Variants in CLCN5 observed in about 807,000 individuals in gnomAD.
The protein encoded by CLCN5 is H(+)/Cl(-) exchange transporter 5.
A neutral mutation model predicts 54.0 loss-of-function variants in CLCN5; 17 were observed. That is an observed-to-expected ratio of 0.31 (90% CI 0.22 to 0.47). The LOEUF (loss-of-function observed/expected upper bound fraction) is 0.47. Ranked by LOEUF, CLCN5 falls within the 20% of genes least tolerant of loss-of-function variation. CLCN5 has a pLI of 1.00. For synonymous variants in CLCN5, 222 were observed against 233.0 expected (o/e 0.95, Z 0.43); for missense variants, 448 against 646.7 (o/e 0.69, Z 3.33).
At chrX:50,060,816 G>T (rs1343080740) in intron 4 of CLCN5, among the ~76,000 whole-genome samples, 2 of 101,071 alleles carry the variant, frequency 2.0e-5, no homozygotes, top group East Asian at 3.0e-4. Context: ...ATCTGAGAAC[G>T]GGCAGACTGC....
intron 3 of CLCN5, among the ~76,000 whole-genome samples, chrX:49,949,270 C>G (rs1926907456): frequency 8.9e-6 from 1 of 111,878 alleles, no homozygotes; most frequent in South Asian, 3.8e-4. Context: ...TGATAAACAT[C>G]CTACAATGCA....
chrX:50,090,445 G>A lies in CLCN5; in HGVS notation c.2074G>A (p.Val692Met), dbSNP rs782068103. Reference sequence around the variant, plus strand: ...TGAAACCACTTACAGTGGCTTCCCAGTGGTGGTATCCCGGGAGTCCCAAAG... The same window carrying A: ...TGAAACCACTTACAGTGGCTTCCCAATGGTGGTATCCCGGGAGTCCCAAAG... ...ISETTYSGFP[V>M]VVSRESQRLV... Residue 692 changes from valine (V) to methionine (M), a missense_variant, in exon 13 of 15, where the codon GTG becomes ATG. Val to Met is a conservative substitution (Grantham distance 21). Around this residue, in one of 5 missense-constraint regions of CLCN5, gnomAD observed 297 missense variants for 470.4 expected, o/e 0.63. Transcript: ENST00000376091. 1 of 1,210,535 alleles carries A rather than the reference G, an allele frequency of 8.3e-7. No homozygotes were observed. The highest frequency in any genetic ancestry group is 1.1e-6 in the Non-Finnish European group (1 of 894,716).
chrX:49,992,786 A>T (rs1272321490), intron 3 of CLCN5, among the ~76,000 whole-genome samples: 1 of 111,649 alleles, frequency 9.0e-6, no homozygotes, highest in African/African-American at 3.3e-5. Context: ...TAATTAAGGG[A>T]TATACTGCCA....
intron 8 of CLCN5, 137 bp downstream of exon 8, chrX:50,080,853 AG>A (rs1933664983): frequency 3.7e-6 from 2 of 541,108 alleles, no homozygotes; most frequent in African/African-American, 4.6e-5. Context: ...TCTAAGACCT[AG>A]GTCTTTCCAC....
chrX:50,051,020 T>C (rs112509445), intron 4 of CLCN5, among the ~76,000 whole-genome samples: 1 of 111,694 alleles, frequency 9.0e-6, no homozygotes, highest in Non-Finnish European at 1.9e-5. Flanking sequence ...TTTTTAATTT[T>C]AGTGAAGTCT....
intron 10 of CLCN5, 41 bp downstream of exon 10, chrX:50,086,101 T>G (rs1557193847): frequency 2.8e-6 from 3 of 1,067,219 alleles, no homozygotes; most frequent in Non-Finnish European, 3.9e-6. Flanking sequence ...TGCTTTTGTG[T>G]CAGGAATTTT....
Position 49,982,366 on chromosome X carries a change from G to A in CLCN5, c.16+57052G>A, listed in dbSNP as rs782208522. On this transcript the variant is annotated intron_variant, in intron 3 of 14. Transcript: ENST00000376091. ...AAAAAATTCAATTAAGGTTGCTGAG[G>A]GGGAAAAAAGCAACTGTTACAAAGT... Among the ~76,000 whole-genome samples the A allele has an allele frequency of 3.6e-4, 40 of 110,458 alleles. No individual in the cohort carries two copies. The South Asian group carries it at 0.016, about 43-fold the overall frequency.
intron 3 of CLCN5, among the ~76,000 whole-genome samples, chrX:49,959,612 C>T (rs1352975575): frequency 8.9e-6 from 1 of 112,486 alleles, no homozygotes; most frequent in African/African-American, 3.2e-5. Context: ...AAGCTAGCTT[C>T]TGGTGCCAGA....
rs1456864223 is a variant in CLCN5 at position 50,069,102 on chromosome X, C to T, written c.164-777C>T. On this transcript the variant is annotated intron_variant, in intron 4 of 14. Transcript: ENST00000376091. ...GAGAAGGGAACGATGAATCAGACAT[C>T]AGGCTACCAGCAAAGAGCTTGTAGT... Among the ~76,000 whole-genome samples the T allele has an allele frequency of 4.3e-4, 48 of 111,899 alleles. No homozygotes were observed. The Admixed American group carries it at 4.6e-3, about 11-fold the overall frequency.
At chrX:50,049,544 A>G (rs1557188115) in intron 4 of CLCN5, among the ~76,000 whole-genome samples, 1 of 112,251 alleles carries the variant, frequency 8.9e-6, no homozygotes, top group African/African-American at 3.2e-5. Context: ...GTGCAGCATC[A>G]TTCCTTTTGC....
At chrX:50,045,876 G>A (rs1209313071) in intron 4 of CLCN5, among the ~76,000 whole-genome samples, 2 of 111,929 alleles carry the variant, frequency 1.8e-5, no homozygotes, top group Non-Finnish European at 3.8e-5. Flanking sequence ...TAAAGACAAC[G>A]ACAACAAAAA....
At chrX:49,925,060 C>A in intron 2 of CLCN5, 111 bp from the exon 3 acceptor site, 1 of 432,065 alleles carries the variant, frequency 2.3e-6, no homozygotes. Flanking sequence ...TGACACTACC[C>A]ATGCCTGCAT....
intron 3 of CLCN5, among the ~76,000 whole-genome samples, chrX:49,961,644 T>G (rs1927601595): frequency 8.9e-6 from 1 of 112,152 alleles, no homozygotes; most frequent in Non-Finnish European, 1.9e-5. Flanking sequence ...CCTAATAACT[T>G]TGTTACCAGT....
At chrX:49,927,624 T>C (rs1457772850) in intron 3 of CLCN5, among the ~76,000 whole-genome samples, 2 of 111,869 alleles carry the variant, frequency 1.8e-5, no homozygotes, top group Non-Finnish European at 3.8e-5. Flanking sequence ...CTTTACAAAA[T>C]GGAGATAGTA....
chrX:50,088,103 A>C (rs1557194257), intron 11 of CLCN5, among the ~76,000 whole-genome samples: 1 of 112,398 alleles, frequency 8.9e-6, no homozygotes. Flanking sequence ...TTGTGTGAGC[A>C]ATGGGCTAAG....
At chrX:49,991,093 A>G in intron 3 of CLCN5, among the ~76,000 whole-genome samples, 1 of 112,528 alleles carries the variant, frequency 8.9e-6, no homozygotes, top group East Asian at 2.8e-4. Flanking sequence ...TTGCTGGATC[A>G]AATGGTAGAT....
At chrX:50,059,031 G>C (rs903094428) in intron 4 of CLCN5, among the ~76,000 whole-genome samples, 2 of 111,167 alleles carry the variant, frequency 1.8e-5, no homozygotes, top group Admixed American at 9.6e-5. Flanking sequence ...GATCATTTCT[G>C]TTGCCATTCT....
chrX:50,063,083 A>G (rs1368169637), intron 4 of CLCN5, among the ~76,000 whole-genome samples: 5 of 108,264 alleles, frequency 4.6e-5, no homozygotes, highest in Non-Finnish European at 7.6e-5. Context: ...ACACCCTAAC[A>G]TCACAATTAA....
At chrX:50,042,919 G>A (rs1471322612) in intron 4 of CLCN5, among the ~76,000 whole-genome samples, 1 of 111,644 alleles carries the variant, frequency 9.0e-6, no homozygotes, top group Non-Finnish European at 1.9e-5. Context: ...ACAAACCAGA[G>A]TGCCGGTACC....
Sources: allele counts gnomAD v4.1 joint callset (sites outside exome capture counted in the v4.1 genomes callset), GRCh38; gene constraint gnomAD v4.1.1; regional missense constraint gnomAD v4.1.1; transcripts MANE v1.5; gene names NCBI Gene and HGNC (gene_info 2026-07-23, HGNC 2026-07-21).